Variants in LTBP1 observed in about 807,000 individuals in gnomAD.
LTBP1 encodes the protein latent-transforming growth factor beta-binding protein 1.
In LTBP1, 129 loss-of-function variants were observed where a neutral mutation model predicts 207.6. The ratio of observed to expected loss-of-function variants is 0.62; its 90% confidence interval spans 0.54 to 0.72. The LOEUF (loss-of-function observed/expected upper bound fraction) is 0.72, where lower values mean the gene tolerates loss of function less well. Among genes scored for constraint, LTBP1 ranks in the 30% least tolerant of loss-of-function variants. LTBP1 has a pLI of 0.00. For missense variants in LTBP1, 2,281 were observed against 2,217.2 expected, an observed-to-expected ratio of 1.03 and a Z score of -0.58; for synonymous variants, 963 against 833.7, an observed-to-expected ratio of 1.16 and a Z score of -2.67.
At chr2:33,354,283 A>G (rs909331536) in intron 26 of LTBP1, among the ~76,000 whole-genome samples, 1 of 152,188 alleles carries the variant, frequency 6.6e-6, no homozygotes, top group Admixed American at 6.6e-5. Context: ...TTTAACATTG[A>G]AAGACTTATA....
At chr2:33,004,809 AT>A (rs1558501486) in intron 2 of LTBP1, among the ~76,000 whole-genome samples, 5 of 145,496 alleles carry the variant, frequency 3.4e-5, no homozygotes, top group Non-Finnish European at 7.5e-5. Context: ...ATATATATAT[AT>A]ATATAAACAT....
intron 15 of LTBP1, among the ~76,000 whole-genome samples, chr2:33,272,325 C>T (rs759265238): frequency 9.9e-5 from 15 of 152,166 alleles, no homozygotes; most frequent in Non-Finnish European, 2.1e-4. Flanking sequence ...AAACCACAGA[C>T]CTCTCTAACA....
At position 33,098,383 on chromosome 2, in the gene LTBP1, A is replaced by C. The variant is rs554273673; in HGVS notation, c.864-12199A>C. 6.1e-4 allele frequency among the ~76,000 whole-genome samples: 93 copies of C among 152,292 alleles called. 1 individual carries two copies. The highest frequency in any genetic ancestry group is 3.4e-3 in the Middle Eastern group (1 of 294). Reference sequence around the variant, plus strand: ...CCCTAATTTTTCATGTGCATTGCAGATATTTTTCAAATGTATTATTTAACT... The same window carrying C: ...CCCTAATTTTTCATGTGCATTGCAGCTATTTTTCAAATGTATTATTTAACT... On this transcript the variant is annotated intron_variant, in intron 3 of 33. Coordinates refer to ENST00000404816, the MANE Select transcript of LTBP1 (RefSeq NM_206943.4).
intron 5 of LTBP1, among the ~76,000 whole-genome samples, chr2:33,159,651 C>T: frequency 6.6e-6 from 1 of 152,096 alleles, no homozygotes; most frequent in East Asian, 1.9e-4. Flanking sequence ...TCTTTAGTTT[C>T]CTATGTCATC....
At position 33,363,485 on chromosome 2, in the gene LTBP1, A is replaced by T; in HGVS notation, c.4366A>T (p.Thr1456Ser). The T allele has an allele frequency of 1.2e-6, 2 of 1,613,918 alleles. No individual in the cohort carries two copies. Among genetic ancestry groups the T allele is most frequent in the Non-Finnish European group, 1.7e-6 (2 of 1,179,840 alleles). ...PGYECYCKQG[T>S]YYDPVKLQCF... ...GTATGAATGCTACTGTAAGCAAGGG[A>T]CGTACTATGATCCTGTGAAACTGCA... The change falls in exon 29 of 34, where the codon ACG (threonine) becomes TCG (serine). Residue 1456 changes from threonine to serine, a missense_variant. This residue lies in a region of LTBP1 where 1,671 missense variants were observed against 1,634.8 expected (regional missense o/e 1.02). Coordinates refer to ENST00000404816, the MANE Select transcript of LTBP1 (RefSeq NM_206943.4).
At chr2:33,065,880 G>A (rs12471382) in intron 3 of LTBP1, among the ~76,000 whole-genome samples, 9,154 of 152,176 alleles carry the variant, frequency 0.06, 658 homozygotes, top group East Asian at 0.34. Context: ...GCTAGATATA[G>A]GATTATTTAT....
intron 7 of LTBP1, among the ~76,000 whole-genome samples, chr2:33,205,373 T>C (rs1273828154): frequency 6.6e-6 from 1 of 152,262 alleles, no homozygotes; most frequent in East Asian, 1.9e-4. Context: ...GGATCACTTA[T>C]GAATTGATCT....
chr2:33,042,071 T>G (rs550563348), intron 3 of LTBP1, among the ~76,000 whole-genome samples: 78 of 152,358 alleles, frequency 5.1e-4, no homozygotes, highest in African/African-American at 1.8e-3. Context: ...CATTGGGCTT[T>G]TAATGTGAAT....
intron 7 of LTBP1, among the ~76,000 whole-genome samples, chr2:33,196,432 C>T (rs959964940): frequency 1.3e-5 from 2 of 151,978 alleles, no homozygotes; most frequent in African/African-American, 4.8e-5. Flanking sequence ...AAGTTTTTAA[C>T]TGTTTAATGG....
chr2:33,375,567 G>A (rs1290452172), intron 31 of LTBP1, among the ~76,000 whole-genome samples: 2 of 152,092 alleles, frequency 1.3e-5, no homozygotes, highest in East Asian at 1.9e-4. Flanking sequence ...TCGCTCTGTC[G>A]CCCAGGCTGG....
chr2:32,983,870 T>G (rs1045465917), intron 2 of LTBP1, among the ~76,000 whole-genome samples: 1 of 152,236 alleles, frequency 6.6e-6, no homozygotes, highest in Non-Finnish European at 1.5e-5. Flanking sequence ...CATAGCAGTA[T>G]GAAAATGGAC....
intron 9 of LTBP1, among the ~76,000 whole-genome samples, chr2:33,227,999 G>T: frequency 6.6e-6 from 1 of 151,750 alleles, no homozygotes. Flanking sequence ...TAGAGACGGG[G>T]TTTCACTGTG....
chr2:33,191,333 T>G (rs1034473833), intron 7 of LTBP1, among the ~76,000 whole-genome samples: 2 of 152,244 alleles, frequency 1.3e-5, no homozygotes, highest in Non-Finnish European at 2.9e-5. Flanking sequence ...AACTCTGGAA[T>G]ACTTTTGTCT....
chr2:33,039,071 C>T (rs1188949123), intron 3 of LTBP1, among the ~76,000 whole-genome samples: 1 of 152,182 alleles, frequency 6.6e-6, no homozygotes, highest in Non-Finnish European at 1.5e-5. Context: ...TTCATTTGGG[C>T]AGTCTCTAGC....
At chr2:33,364,802 T>C (rs2094964904) in intron 30 of LTBP1, among the ~76,000 whole-genome samples, 1 of 152,214 alleles carries the variant, frequency 6.6e-6, no homozygotes, top group African/African-American at 2.4e-5. Flanking sequence ...ATGCTACTGA[T>C]AATTGGCAAA....
chr2:33,045,382 A>AT (rs1407114171), intron 3 of LTBP1, among the ~76,000 whole-genome samples: 4 of 152,066 alleles, frequency 2.6e-5, no homozygotes, highest in Non-Finnish European at 4.4e-5. Flanking sequence ...TCCTTTCCCC[A>AT]TGCTTGTTTT....
chr2:32,957,867 A>G (rs1468661911), intron 2 of LTBP1, among the ~76,000 whole-genome samples: 14 of 152,164 alleles, frequency 9.2e-5, no homozygotes, highest in Non-Finnish European at 2.1e-4. Flanking sequence ...CCTGTTACGG[A>G]TTGAGCACGT....
chr2:33,329,416 G>A (rs2094468710), intron 24 of LTBP1, among the ~76,000 whole-genome samples: 1 of 152,126 alleles, frequency 6.6e-6, no homozygotes, highest in African/African-American at 2.4e-5. Flanking sequence ...GAAGTCCAGT[G>A]TTTTAATTGT....
intron 3 of LTBP1, among the ~76,000 whole-genome samples, chr2:33,037,219 A>G (rs1464947234): frequency 6.6e-6 from 1 of 152,192 alleles, no homozygotes; most frequent in Non-Finnish European, 1.5e-5. Context: ...GTTTCATTCA[A>G]GTTTCTAAAT....
Sources: gnomAD v4.1 joint callset for allele counts (sites outside exome capture counted in the v4.1 genomes callset) on GRCh38, gnomAD v4.1.1 for gene constraint, gnomAD v4.1.1 regional missense constraint, MANE v1.5 for transcripts, NCBI Gene and HGNC (gene_info 2026-07-23, HGNC 2026-07-21) for gene names.